The following ZBTB17 variants were observed in gnomAD, a reference collection of about 807,000 sequenced individuals.
ZBTB17 encodes zinc finger and BTB domain containing 17.
ZBTB17 carries 24 observed loss-of-function variants against 85.1 expected under a neutral mutation model. The observed-to-expected ratio is 0.28, with a 90% CI of 0.20 to 0.40. The LOEUF (loss-of-function observed/expected upper bound fraction) is 0.40. ZBTB17 is among the 10% of genes least tolerant of loss of function. ZBTB17 has a pLI of 1.00. For synonymous variants in ZBTB17, 464 were observed against 460.2 expected (o/e 1.01, Z -0.11); for missense variants, 743 against 1,105.1 (o/e 0.67, Z 4.65).
intron 2 of ZBTB17, among the ~76,000 whole-genome samples, chr1:15,963,443 G>A (rs1016828857): frequency 1.3e-5 from 2 of 152,184 alleles, no homozygotes; most frequent in Admixed American, 1.3e-4. Context: ...GAGAGCAAGT[G>A]GAGCTTTGAA....
intron 2 of ZBTB17, among the ~76,000 whole-genome samples, chr1:15,955,012 G>C (rs2071994216): frequency 6.6e-6 from 1 of 152,034 alleles, no homozygotes; most frequent in African/African-American, 2.4e-5. Context: ...AAATTAGCTG[G>C]GTGTGGTGGT....
At chr1:15,946,837 C>T in intron 4 of ZBTB17, 98 bp downstream of exon 4, 2 of 1,411,602 alleles carry the variant, frequency 1.4e-6, no homozygotes, top group Non-Finnish European at 1.9e-6. Context: ...GAGGCAGGGC[C>T]AGATGAGGAA....
chr1:15,946,062 T>C, intron 5 of ZBTB17, 92 bp downstream of exon 5: 1 of 1,587,386 alleles, frequency 6.3e-7, no homozygotes, highest in Non-Finnish European at 8.6e-7. Context: ...CAGGTGCCCG[T>C]GCTACCTGCC....
At chr1:15,942,295 C>T (rs1557768643) in intron 15 of ZBTB17, 36 bp downstream of exon 15, 2 of 1,613,828 alleles carry the variant, frequency 1.2e-6, no homozygotes, top group Non-Finnish European at 1.7e-6. Flanking sequence ...GGACCCCGGG[C>T]TCTGCCCACA....
chr1:15,957,170 C>G (rs2072075344), intron 2 of ZBTB17, among the ~76,000 whole-genome samples: 1 of 144,468 alleles, frequency 6.9e-6, no homozygotes, highest in Non-Finnish European at 1.5e-5. Context: ...CAGTGAGAGA[C>G]TCCATCTCAA....
At chr1:15,967,114 C>T (rs1027549189) in intron 2 of ZBTB17, among the ~76,000 whole-genome samples, 4 of 152,134 alleles carry the variant, frequency 2.6e-5, no homozygotes, top group Admixed American at 1.3e-4. Flanking sequence ...CCTGCTCGCA[C>T]CTGTAATCCC....
At chr1:15,958,429 A>AAAAAAC (rs1018883354) in intron 2 of ZBTB17, among the ~76,000 whole-genome samples, 1 of 151,850 alleles carries the variant, frequency 6.6e-6, no homozygotes, top group African/African-American at 2.4e-5. Context: ...AAAAAAAAAA[A>AAAAAAC]AAAAACACAC....
At chr1:15,944,164 C>A (rs1044708933) in intron 9 of ZBTB17, 136 bp downstream of exon 9, 1 of 1,328,090 alleles carries the variant, frequency 7.5e-7, no homozygotes, top group African/African-American at 1.5e-5. Flanking sequence ...TCTCGCTGCG[C>A]CTGTTTCCTG....
chr1:15,975,017 G>A (rs1423005197), intron 1 of ZBTB17, among the ~76,000 whole-genome samples: 1 of 152,178 alleles, frequency 6.6e-6, no homozygotes, highest in Non-Finnish European at 1.5e-5. Flanking sequence ...CTTTCTGGGG[G>A]ACAGAAGCCT....
In ZBTB17 at chr1:15,958,328, C is replaced by T. The variant is rs113070498; in HGVS notation, c.-2-9831G>A. ...CTCCCTGCACCAGGGGAGCACAGGG[C>T]CCCTGTCAAACAGGACAGCAGCTGG... On this transcript the variant is annotated intron_variant, in intron 2 of 15. Coordinates refer to ENST00000375743, the MANE Select transcript of ZBTB17 (RefSeq NM_003443.3). 7.3e-4 allele frequency among the ~76,000 whole-genome samples: 111 copies of T among 152,032 alleles called. 2 individuals carry two copies. Among genetic ancestry groups the T allele is most frequent in the Non-Finnish European group, 2.5e-4 (17 of 67,958 alleles).
intron 6 of ZBTB17, 61 bp from the exon 7 acceptor site, chr1:15,945,263 G>A (rs534940787): frequency 6.5e-7 from 1 of 1,529,548 alleles, no homozygotes; most frequent in South Asian, 1.2e-5. Context: ...CACGTGAGGG[G>A]CGCCGGCAAC....
At chr1:15,965,076 T>A (rs188217416) in intron 2 of ZBTB17, among the ~76,000 whole-genome samples, 1 of 147,868 alleles carries the variant, frequency 6.8e-6, no homozygotes, top group Admixed American at 6.8e-5. Flanking sequence ...ATCGCGCCAC[T>A]GCACTCCAGC....
chr1:15,962,637 T>C (rs1372628276), intron 2 of ZBTB17, among the ~76,000 whole-genome samples: 3 of 152,214 alleles, frequency 2.0e-5, no homozygotes, highest in South Asian at 2.1e-4. Context: ...CTTTCCGCTA[T>C]AGAAAAGGAC....
chr1:15,967,673 G>A (rs2072493925), intron 2 of ZBTB17, among the ~76,000 whole-genome samples: 1 of 152,090 alleles, frequency 6.6e-6, no homozygotes, highest in Admixed American at 6.6e-5. Flanking sequence ...TGACCCTCAA[G>A]AGTCTTCTAT....
rs1299498967 is a variant in ZBTB17 at position 15,946,029 on chromosome 1, G to A, written c.535+125C>T. On this transcript the variant is annotated intron_variant, in intron 5 of 15. Transcript: ENST00000375743. ...CCTGGAACACACAATAGGTCATTCT[G>A]GGTAACACAGGCTCAAGAGGTGCAG... 7.1e-6 allele frequency: 11 copies of A among 1,556,324 alleles called. No individual in the cohort carries two copies. The African/African-American group carries it at 1.1e-4, about 15-fold the overall frequency.
chr1:15,954,805 G>A (rs1383169965), intron 2 of ZBTB17, among the ~76,000 whole-genome samples: 2 of 152,018 alleles, frequency 1.3e-5, no homozygotes, highest in Admixed American at 1.3e-4. Flanking sequence ...AGCTGTGATT[G>A]TGCCACTGCA....
At chr1:15,969,441 G>T (rs557265342) in intron 2 of ZBTB17, among the ~76,000 whole-genome samples, 1 of 151,786 alleles carries the variant, frequency 6.6e-6, no homozygotes, top group Admixed American at 6.6e-5. Context: ...CTACAAAACC[G>T]GTCCCTGGTG....
Position 15,946,219 on chromosome 1 carries a change from G to A in ZBTB17, c.470C>T (p.Thr157Ile), listed in dbSNP as rs2071604698. ...LSRLEQAGRS[T>I]PIGPSRDLKE... ...GAGGTCCCTGCTGGGGCCTATGGGTGTGCTGCGTCCTGCCTGCTCCAGCCT... is the reference window on the plus strand; with the variant it reads ...GAGGTCCCTGCTGGGGCCTATGGGTATGCTGCGTCCTGCCTGCTCCAGCCT... Residue 157 changes from threonine (T) to isoleucine (I), a missense_variant, in exon 5 of 16, where the codon ACA becomes ATA. Around this residue, in one of 4 missense-constraint regions of ZBTB17, gnomAD observed 279 missense variants for 269.9 expected, o/e 1.03. Coordinates refer to ENST00000375743, the MANE Select transcript of ZBTB17 (RefSeq NM_003443.3). The A allele has an allele frequency of 1.9e-6, 3 of 1,613,366 alleles. No individual in the cohort carries two copies. Among genetic ancestry groups the A allele is most frequent in the Non-Finnish European group, 2.5e-6 (3 of 1,180,030 alleles).
At chr1:15,956,335 C>T (rs1226311802) in intron 2 of ZBTB17, among the ~76,000 whole-genome samples, 1 of 152,240 alleles carries the variant, frequency 6.6e-6, no homozygotes, top group Admixed American at 6.5e-5. Context: ...TTACCCAGAA[C>T]CCTGCTTTCA....
Sources: gnomAD v4.1 joint callset for allele counts (sites outside exome capture counted in the v4.1 genomes callset) on GRCh38, gnomAD v4.1.1 for gene constraint, gnomAD v4.1.1 regional missense constraint, MANE v1.5 for transcripts, NCBI Gene and HGNC (gene_info 2026-07-23, HGNC 2026-07-21) for gene names.